Variants in RETREG1 observed in about 807,000 individuals in gnomAD.
RETREG1 encodes the protein reticulophagy regulator 1, also known as family with sequence similarity 134 member B.
A neutral mutation model predicts 54.8 loss-of-function variants in RETREG1; 44 were observed. The ratio of observed to expected loss-of-function variants is 0.80; its 90% CI spans 0.63 to 1.03. RETREG1 has a LOEUF of 1.03. Ranked by LOEUF, RETREG1 falls within the 50% of genes least tolerant of loss-of-function variation. The pLI, the probability that RETREG1 is intolerant of heterozygous loss-of-function variation, is 0.00. For missense variants in RETREG1, 554 were observed against 605.1 expected, an observed-to-expected ratio of 0.92 and a Z score of 0.89; for synonymous variants, 217 against 238.5, an observed-to-expected ratio of 0.91 and a Z score of 0.83.
intron 3 of RETREG1, among the ~76,000 whole-genome samples, chr5:16,558,769 G>A (rs1475298373): frequency 6.6e-6 from 1 of 152,230 alleles, no homozygotes; most frequent in Non-Finnish European, 1.5e-5. Flanking sequence ...CACTTAACAT[G>A]GAGCGTGATT....
chr5:16,521,654 C>T (rs535619377), intron 3 of RETREG1, among the ~76,000 whole-genome samples: 8 of 152,208 alleles, frequency 5.3e-5, no homozygotes, highest in Non-Finnish European at 1.2e-4. Flanking sequence ...TGGCCCTCAG[C>T]TCAAAACAAA....
At chr5:16,510,837 A>C (rs1317508835) in intron 3 of RETREG1, among the ~76,000 whole-genome samples, 2 of 151,368 alleles carry the variant, frequency 1.3e-5, no homozygotes, top group Non-Finnish European at 3.0e-5. Flanking sequence ...AAAAAAAAAA[A>C]AAAAACCTAA....
At chr5:16,525,961 C>T (rs1189039631) in intron 3 of RETREG1, among the ~76,000 whole-genome samples, 1 of 152,154 alleles carries the variant, frequency 6.6e-6, no homozygotes, top group East Asian at 1.9e-4. Context: ...GCTCTTAAGG[C>T]CTTCAATTAA....
At chr5:16,579,533 A>C (rs1315112695) in intron 1 of RETREG1, among the ~76,000 whole-genome samples, 2 of 152,220 alleles carry the variant, frequency 1.3e-5, no homozygotes, top group African/African-American at 4.8e-5. Context: ...TGACAAATGC[A>C]TAATGACATA....
intron 3 of RETREG1, among the ~76,000 whole-genome samples, chr5:16,491,391 C>T (rs1739241179): frequency 6.6e-6 from 1 of 152,222 alleles, no homozygotes; most frequent in Admixed American, 6.5e-5. Flanking sequence ...AATTCTTGGA[C>T]AGTGCTCTGT....
At chr5:16,553,433 T>C (rs1244177925) in intron 3 of RETREG1, among the ~76,000 whole-genome samples, 1 of 152,112 alleles carries the variant, frequency 6.6e-6, no homozygotes. Flanking sequence ...GATTTAAATA[T>C]ATAAATATTC....
chr5:16,475,099 T>C lies in RETREG1; in HGVS notation c.1136A>G (p.Gln379Arg), dbSNP rs746890065. 1 of 1,614,008 alleles carries C rather than the reference T, an allele frequency of 6.2e-7. No individual in the cohort carries two copies. The highest frequency in any genetic ancestry group is 8.5e-7 in the Non-Finnish European group (1 of 1,179,928). ...GCTTGGTCTGTGACCACTGTCCAAC[T>C]GTTCCTTCTTTCTCTTGAGCTCAGT... ...LPTELKRKKE[Q>R]LDSGHRPSKE... is the part of the protein sequence containing the mutation. Residue 379 changes from glutamine (Q) to arginine (R), a missense_variant, in exon 9 of 9, where the codon CAG (glutamine) becomes CGG (arginine). Gln to Arg is a conservative substitution (Grantham distance 43). Coordinates refer to ENST00000306320, the MANE Select transcript of RETREG1 (RefSeq NM_001034850.3).
rs537340748 is a variant in RETREG1 at position 16,601,616 on chromosome 5, G to C, written c.320+15036C>G. ...TCACCATGTTGGCCAGGCTGGTCTC[G>C]AACTCCTGACCTCAAGTGATCCACC... On this transcript the variant is annotated intron_variant, in intron 1 of 8. Transcript: ENST00000306320. Among the ~76,000 whole-genome samples the C allele has an allele frequency of 3.0e-4, 45 of 152,062 alleles. 1 individual carries two copies. Among genetic ancestry groups the C allele is most frequent in the African/African-American group, 1.0e-3 (43 of 41,484 alleles).
intron 3 of RETREG1, chr5:16,509,565 G>A (rs551912358): frequency 1.3e-5 from 2 of 152,262 alleles, no homozygotes; most frequent in Non-Finnish European, 2.9e-5. Flanking sequence ...AAAAAGGCCA[G>A]AAGAAATATT....
At chr5:16,520,852 G>A (rs2126580529) in intron 3 of RETREG1, among the ~76,000 whole-genome samples, 1 of 152,288 alleles carries the variant, frequency 6.6e-6, no homozygotes, top group East Asian at 1.9e-4. Flanking sequence ...GGTAATGGCA[G>A]GTGGGAAAGA....
intron 1 of RETREG1, among the ~76,000 whole-genome samples, chr5:16,583,808 G>A (rs920781634): frequency 1.3e-5 from 2 of 151,704 alleles, no homozygotes; most frequent in African/African-American, 4.8e-5. Context: ...TATTTTTTTT[G>A]TCTTCAAAGA....
intron 3 of RETREG1, among the ~76,000 whole-genome samples, chr5:16,559,931 CTCTATGTAAA>C (rs1741812334): frequency 2.0e-5 from 3 of 152,146 alleles, no homozygotes; most frequent in Admixed American, 2.0e-4. Flanking sequence ...TGGCAGACAG[CTCTATGTAAA>C]TCCTGTTCAC....
intron 1 of RETREG1, among the ~76,000 whole-genome samples, chr5:16,608,983 C>A (rs975566289): frequency 1.3e-5 from 2 of 152,194 alleles, no homozygotes; most frequent in African/African-American, 4.8e-5. Context: ...TGCTTCATTA[C>A]CCAGCTTCAG....
chr5:16,497,266 G>C (rs1048571446), intron 3 of RETREG1, among the ~76,000 whole-genome samples: 2 of 152,166 alleles, frequency 1.3e-5, no homozygotes, highest in African/African-American at 4.8e-5. Context: ...CCAGTCTCCA[G>C]CTTCAATCCA....
rs555410391 is a variant in RETREG1, at chr5:16,592,204, A to T, written c.321-20102T>A. On this transcript the variant is annotated intron_variant, in intron 1 of 8. Transcript: ENST00000306320. ...AAAAGAATGAACTATTTTGATAAAT[A>T]AAAATGTGGCTTCTTCCCATCAAAA... 4.5e-4 allele frequency among the ~76,000 whole-genome samples: 68 copies of T among 152,340 alleles called. No individual in the cohort carries two copies. The Middle Eastern group carries it at 0.014, about 30-fold the overall frequency.
chr5:16,505,364 C>A (rs1362009882), intron 3 of RETREG1, among the ~76,000 whole-genome samples: 1 of 152,172 alleles, frequency 6.6e-6, no homozygotes, highest in Non-Finnish European at 1.5e-5. Context: ...TTTTAAGTTT[C>A]ATTTCCTCAG....
chr5:16,477,563 A>G, intron 8 of RETREG1, 99 bp downstream of exon 8: 1 of 998,650 alleles, frequency 1.0e-6, no homozygotes, highest in East Asian at 2.7e-5. Context: ...CTGTGTAGAT[A>G]TGGTGGTAAC....
chr5:16,533,037 G>C, intron 3 of RETREG1, among the ~76,000 whole-genome samples: 1 of 148,234 alleles, frequency 6.7e-6, no homozygotes. Flanking sequence ...TACTTTAGCA[G>C]TTGATAATAT....
At chr5:16,607,103 T>C (rs746479751) in intron 1 of RETREG1, among the ~76,000 whole-genome samples, 5 of 152,222 alleles carry the variant, frequency 3.3e-5, no homozygotes, top group Non-Finnish European at 2.9e-5. Flanking sequence ...GAAAGGCCAA[T>C]GATGACCACC....
Sources: allele counts gnomAD v4.1 joint callset (sites outside exome capture counted in the v4.1 genomes callset), GRCh38; gene constraint gnomAD v4.1.1; transcripts MANE v1.5; gene names NCBI Gene and HGNC (gene_info 2026-07-23, HGNC 2026-07-21).